GBX1: variants seen among roughly 807,000 people sequenced by gnomAD.
GBX1 encodes homeobox protein GBX-1.
In GBX1, 9 loss-of-function variants were observed where a neutral mutation model predicts 22.9. The ratio of observed to expected loss-of-function variants is 0.39; its 90% CI spans 0.24 to 0.69. The LOEUF is 0.69. GBX1 is among the 30% of genes least tolerant of loss of function. The pLI is 0.43. For synonymous variants in GBX1, 203 were observed against 227.3 expected, an observed-to-expected ratio of 0.89 and a Z score of 0.96; for missense variants, 494 against 509.2, an observed-to-expected ratio of 0.97 and a Z score of 0.29.
intron 1 of GBX1, among the ~76,000 whole-genome samples, chr7:151,152,892 C>A (rs1801095648): frequency 6.6e-6 from 1 of 152,174 alleles, no homozygotes; most frequent in Non-Finnish European, 1.5e-5. Flanking sequence ...TCTCTCTGAG[C>A]CTTTATAATC....
chr7:151,158,614 A>G (rs1801161121), intron 1 of GBX1, among the ~76,000 whole-genome samples: 1 of 152,016 alleles, frequency 6.6e-6, no homozygotes, highest in Non-Finnish European at 1.5e-5. Context: ...TGTGAAATCT[A>G]CCCCTAATTA....
At chr7:151,156,818 C>T (rs1211103669) in intron 1 of GBX1, among the ~76,000 whole-genome samples, 1 of 151,426 alleles carries the variant, frequency 6.6e-6, no homozygotes, top group East Asian at 1.9e-4. Context: ...AACCCTGTTT[C>T]TACTAAAACT....
Position 151,149,261 on chromosome 7 carries a change from A to G in GBX1, c.539-119T>C, listed in dbSNP as rs1173194471. On this transcript the variant is annotated intron_variant, in intron 1 of 1. Coordinates refer to ENST00000297537, the MANE Select transcript of GBX1 (RefSeq NM_001098834.3). ...TTGGGAGACAAGAGCAGGAAAAAAG[A>G]GAGCCATGGAGAGGAGAAGATGGGG... 4 of 896,598 alleles carry G rather than the reference A, an allele frequency of 4.5e-6. No homozygotes were observed. The East Asian group carries it at 7.3e-5, about 16-fold the overall frequency. 55.5% of individuals were successfully genotyped at this position (896,598 alleles called of 1,614,324 possible). A position where few individuals can be genotyped will look rare whatever the true frequency, so the allele number is the denominator to read the frequency against.
intron 1 of GBX1, among the ~76,000 whole-genome samples, chr7:151,157,709 C>T (rs535196605): frequency 5.2e-4 from 79 of 152,276 alleles, no homozygotes; most frequent in Admixed American, 4.2e-3. Flanking sequence ...ACTGCTTCCC[C>T]GCTACACTAC....
At chr7:151,166,359 A>C (rs1801249643) in intron 1 of GBX1, among the ~76,000 whole-genome samples, 1 of 151,782 alleles carries the variant, frequency 6.6e-6, no homozygotes, top group Non-Finnish European at 1.5e-5. Flanking sequence ...CCTAGTCAGC[A>C]CTTGTCCAGC....
At position 151,148,074 on chromosome 7, in the gene GBX1, A is replaced by G. The variant is rs1383241010; in HGVS notation, c.*515T>C. ...GGGGCCTACCCCAAAGCAGTAGGACAGACGAACTCTGGCTGAGGATTGAGG... is the reference window on the plus strand; with the variant it reads ...GGGGCCTACCCCAAAGCAGTAGGACGGACGAACTCTGGCTGAGGATTGAGG... On this transcript the variant is annotated 3_prime_UTR_variant, in exon 2 of 2. Coordinates refer to ENST00000297537, the MANE Select transcript of GBX1 (RefSeq NM_001098834.3). This position sits in a 1 kb window ranked among gnomAD's most constrained non-coding sequence, Gnocchi z 5.1. Among the ~76,000 whole-genome samples the G allele has an allele frequency of 6.6e-6, 1 of 152,244 alleles. No individual in the cohort carries two copies. Among genetic ancestry groups the G allele is most frequent in the Non-Finnish European group, 1.5e-5 (1 of 68,036 alleles).
chr7:151,149,031 C>T lies in GBX1; in HGVS notation c.650G>A (p.Gly217Asp). The T allele has an allele frequency of 2.5e-6, 4 of 1,614,012 alleles. No homozygotes were observed. Among genetic ancestry groups the T allele is most frequent in the Non-Finnish European group, 3.4e-6 (4 of 1,180,028 alleles). ...GCCCCCTGCAGAACTGTCCAGGAAACCGTCATCCTCGCTGTCACCGCCTGA... is the reference window on the plus strand; with the variant it reads ...GCCCCCTGCAGAACTGTCCAGGAAATCGTCATCCTCGCTGTCACCGCCTGA... ...EGSGGDSEDD[G>D]FLDSSAGGPG... The change falls in exon 2 of 2, where the codon GGT becomes GAT. Residue 217 changes from glycine to aspartate, a missense_variant. Gly to Asp is a moderately conservative substitution (Grantham distance 94, BLOSUM62 -1). Coordinates refer to ENST00000297537, the MANE Select transcript of GBX1 (RefSeq NM_001098834.3).
intron 1 of GBX1, among the ~76,000 whole-genome samples, chr7:151,161,837 G>T (rs1584805044): frequency 6.6e-6 from 1 of 152,190 alleles, no homozygotes; most frequent in Non-Finnish European, 1.5e-5. Context: ...TCCAGGTTGA[G>T]AGCTCTACTT....
chr7:151,149,970 C>T (rs1391297067), intron 1 of GBX1: 1 of 455,946 alleles, frequency 2.2e-6, no homozygotes, highest in South Asian at 1.5e-5. Context: ...CAGCTGTTTT[C>T]TGCTCAAGTT....
chr7:151,158,443 G>GT (rs773437795), intron 1 of GBX1, among the ~76,000 whole-genome samples: 2 of 151,380 alleles, frequency 1.3e-5, no homozygotes, highest in South Asian at 2.1e-4. Flanking sequence ...AACAAGAAGA[G>GT]TTTTTTTGTT....
intron 1 of GBX1, among the ~76,000 whole-genome samples, chr7:151,164,386 A>C (rs920161956): frequency 1.3e-5 from 2 of 152,220 alleles, no homozygotes; most frequent in African/African-American, 4.8e-5. Flanking sequence ...ATGTGTCATC[A>C]GTCCCCAAAT....
chr7:151,164,391 C>T (rs1801225899), intron 1 of GBX1, among the ~76,000 whole-genome samples: 1 of 152,142 alleles, frequency 6.6e-6, no homozygotes, highest in Non-Finnish European at 1.5e-5. Context: ...TCATCAGTCC[C>T]CAAATTGATA....
At position 151,167,573 on chromosome 7, in the gene GBX1, G is replaced by A; in HGVS notation, c.-25C>T. ...TCTTGTTCGGAGCTGCGGCCGCCCC[G>A]GGGCGCTCCTCTCTGGGCGCCTCCG... On this transcript the variant is annotated 5_prime_UTR_variant, in exon 1 of 2. Transcript: ENST00000297537. This position sits in a 1 kb window ranked among gnomAD's most constrained non-coding sequence, Gnocchi z 5.9. The A allele has an allele frequency of 7.1e-7, 1 of 1,399,990 alleles. No individual in the cohort carries two copies. The highest frequency in any genetic ancestry group is 1.5e-5 in the African/African-American group (1 of 64,770). 86.7% of individuals were successfully genotyped at this position (1,399,990 alleles called of 1,614,324 possible). A position where few individuals can be genotyped will look rare whatever the true frequency, so the allele number is the denominator to read the frequency against.
At chr7:151,159,697 G>T (rs1234409710) in intron 1 of GBX1, among the ~76,000 whole-genome samples, 1 of 152,170 alleles carries the variant, frequency 6.6e-6, no homozygotes, top group Non-Finnish European at 1.5e-5. Flanking sequence ...TCTAATGTCA[G>T]CCTATCATAA....
chr7:151,167,568 GCC>G lies in GBX1; in HGVS notation c.-22_-21del. On this transcript the variant is annotated 5_prime_UTR_variant, in exon 1 of 2. Coordinates refer to ENST00000297537, the MANE Select transcript of GBX1 (RefSeq NM_001098834.3). This position sits in a 1 kb window ranked among gnomAD's most constrained non-coding sequence, Gnocchi z 5.9. The stretch of plus-strand genomic sequence containing the variant: ...CTGCATCTTGTTCGGAGCTGCGGCC[GCC>G]CCGGGGCGCTCCTCTCTGGGCGCCT... 1 of 1,403,124 alleles carries G rather than the reference GCC, an allele frequency of 7.1e-7. No individual in the cohort carries two copies. The highest frequency in any genetic ancestry group is 9.2e-7 in the Non-Finnish European group (1 of 1,090,394). The allele number at this position is 1,403,124 out of a possible 1,614,324, so 86.9% of individuals were successfully genotyped here.
chr7:151,163,907 C>T (rs1801221765), intron 1 of GBX1, among the ~76,000 whole-genome samples: 1 of 152,118 alleles, frequency 6.6e-6, no homozygotes, highest in African/African-American at 2.4e-5. Context: ...AACTTTCTAC[C>T]CAATTACTTC....
chr7:151,164,532 C>A (rs2150551059), intron 1 of GBX1, among the ~76,000 whole-genome samples: 1 of 152,328 alleles, frequency 6.6e-6, no homozygotes, highest in East Asian at 1.9e-4. Flanking sequence ...GTGACAGAAG[C>A]AGCCGTCACA....
intron 1 of GBX1, among the ~76,000 whole-genome samples, chr7:151,156,719 T>C (rs1253457255): frequency 6.6e-6 from 1 of 152,074 alleles, no homozygotes; most frequent in Admixed American, 6.6e-5. Flanking sequence ...GCACGGTGGC[T>C]CATGCCTGTA....
rs199515474 is a variant in GBX1 at position 151,148,701 on chromosome 7, C to G, written c.980G>C (p.Arg327Pro). 1.2e-6 allele frequency: 2 copies of G among 1,614,180 alleles called. No individual in the cohort carries two copies. Among genetic ancestry groups the G allele is most frequent in the Non-Finnish European group, 1.7e-6 (2 of 1,180,046 alleles). Residue 327 changes from arginine to proline, a missense_variant, in exon 2 of 2, where the codon CGT becomes CCT. Around this residue, in one of 3 missense-constraint regions of GBX1, gnomAD observed 124 missense variants for 152.0 expected, o/e 0.82. Transcript: ENST00000297537. The surrounding 1 kb of genome is among the most constrained non-coding windows in gnomAD (Gnocchi z 5.1). ...GGGGTTTCTTACGGGCTCCCCAGAA[C>G]GGCTGCTCACATTGCCAGCTTTGAT... is the stretch of plus-strand genomic sequence containing the variant. ...KRIKAGNVSSRSGEPVRNPKI... is the reference protein window; with the variant it reads ...KRIKAGNVSSPSGEPVRNPKI...
Sources: gnomAD v4.1 joint callset for allele counts (sites outside exome capture counted in the v4.1 genomes callset) on GRCh38, gnomAD v4.1.1 for gene constraint, gnomAD v4.1.1 regional missense constraint, Gnocchi (gnomAD v3.1) non-coding constraint, MANE v1.5 for transcripts, NCBI Gene and HGNC (gene_info 2026-07-23, HGNC 2026-07-21) for gene names.